The following RWDD2B variants were observed in gnomAD, a reference collection of about 807,000 sequenced individuals.
RWDD2B encodes the protein RWD domain containing 2B, also known as RWD domain-containing protein 2B.
In RWDD2B, 36 loss-of-function variants were observed where a neutral mutation model predicts 33.6. That is an observed-to-expected ratio of 1.07 (90% CI 0.82 to 1.42). RWDD2B has a LOEUF of 1.42. Ranked by LOEUF, RWDD2B falls within the 40% of genes most tolerant of loss-of-function variation. RWDD2B has a pLI of 0.00. For synonymous variants in RWDD2B, 126 were observed against 133.1 expected (o/e 0.95, Z 0.37); for missense variants, 364 against 377.5 (o/e 0.96, Z 0.30).
intron 4 of RWDD2B, 44 bp from the exon 5 acceptor site, chr21:29,006,695 C>T: frequency 8.8e-7 from 1 of 1,138,474 alleles, no homozygotes; most frequent in Non-Finnish European, 1.3e-6. Context: ...AATGTATATT[C>T]TAGAGCATTT....
At chr21:29,011,974 C>T (rs1439643711) in intron 1 of RWDD2B, among the ~76,000 whole-genome samples, 2 of 126,088 alleles carry the variant, frequency 1.6e-5, no homozygotes, top group African/African-American at 3.1e-5. Flanking sequence ...CCAGCCGCGC[C>T]GTCCGGGAGG....
chr21:29,006,674 A>T, intron 4 of RWDD2B, 23 bp from the exon 5 acceptor site: 1 of 1,396,870 alleles, frequency 7.2e-7, no homozygotes, highest in Non-Finnish European at 1.0e-6. Context: ...TTCCAAAGTA[A>T]ACATTTTCAA....
At chr21:29,016,413 C>G (rs11910748) in intron 1 of RWDD2B, among the ~76,000 whole-genome samples, 3,155 of 152,116 alleles carry the variant, frequency 0.021, 112 homozygotes, top group African/African-American at 0.072. Context: ...TACAGGCATG[C>G]GCCACCACAC....
At position 29,019,346 on chromosome 21, in the gene RWDD2B, A is replaced by G. The variant is rs1207709721; in HGVS notation, c.-69T>C. On this transcript the variant is annotated 5_prime_UTR_variant, in exon 1 of 5. Transcript: ENST00000493196. ...TACAAACCGCCTCAGCTGGCGACCTACCGGAAAAAAAAAAAAAAAGCATGC... is the reference window on the plus strand; with the variant it reads ...TACAAACCGCCTCAGCTGGCGACCTGCCGGAAAAAAAAAAAAAAAGCATGC... The G allele has an allele frequency of 8.5e-6, 9 of 1,055,786 alleles. No individual in the cohort carries two copies. The East Asian group carries it at 1.7e-4, about 19-fold the overall frequency. 65.4% of individuals were successfully genotyped at this position (1,055,786 alleles called of 1,614,324 possible).
chr21:29,018,978 C>T (rs1601025879), intron 1 of RWDD2B, among the ~76,000 whole-genome samples: 1 of 152,180 alleles, frequency 6.6e-6, no homozygotes, highest in East Asian at 1.9e-4. Context: ...AGGAAGAAAG[C>T]CCAGCACGCA....
At position 29,019,217 on chromosome 21, in the gene RWDD2B, C is replaced by G; in HGVS notation, c.61G>C (p.Ala21Pro). The G allele has an allele frequency of 6.2e-7, 1 of 1,600,202 alleles. No homozygotes were observed. The highest frequency in any genetic ancestry group is 8.5e-7 in the Non-Finnish European group (1 of 1,174,346). Residue 21 changes from alanine to proline, a missense_variant, in exon 1 of 5, where the codon GCT (alanine) becomes CCT (proline). Physicochemically the swap from Ala to Pro is conservative, Grantham distance 27 (BLOSUM62 -1). Transcript: ENST00000493196. ...NPGYSSEGATAQETYTCPKMI... is the reference protein window; with the variant it reads ...NPGYSSEGATPQETYTCPKMI... ...TAGCTGAGGCGAGACTCACCTTGAG[C>G]CGTGGCCCCCTCACTGCTGTAACCC... is the stretch of plus-strand genomic sequence containing the variant.
In RWDD2B at chr21:29,008,082, G is replaced by C. The variant is rs1176426800; in HGVS notation, c.404C>G (p.Thr135Arg). The part of the protein sequence containing the change: ...LSRSQQTQLN[T>R]DLTAFLQKHC... ...TTTTTGCAGGAATGCAGTCAGATCT[G>C]TGTTCAGCTGAGTCTGCTGGGATCT... The change falls in exon 4 of 5, where the codon ACA (threonine) becomes AGA (arginine). Residue 135 changes from threonine to arginine, a missense_variant. Physicochemically the swap from Thr to Arg is moderately conservative, Grantham distance 71. Coordinates refer to ENST00000493196, the MANE Select transcript of RWDD2B (RefSeq NM_016940.3). 2 of 1,613,886 alleles carry C rather than the reference G, an allele frequency of 1.2e-6. No individual in the cohort carries two copies. Among genetic ancestry groups the C allele is most frequent in the Non-Finnish European group, 1.7e-6 (2 of 1,179,834 alleles).
chr21:29,015,878 C>T lies in RWDD2B; in HGVS notation c.67+3333G>A, dbSNP rs191008305. On this transcript the variant is annotated intron_variant, in intron 1 of 4. Transcript: ENST00000493196. The stretch of plus-strand genomic sequence containing the variant: ...CTAGACAAAAGCAATCCTAATTAGG[C>T]GAGAGACTATATGGGCACAATTCTT... 2.1e-3 allele frequency among the ~76,000 whole-genome samples: 316 copies of T among 152,184 alleles called. 4 individuals are homozygous for T. The highest frequency in any genetic ancestry group is 0.018 in the Admixed American group (270 of 15,286).
rs1441033636 is a variant in RWDD2B, at chr21:29,006,586, G to A, written c.791C>T (p.Thr264Ile). The change falls in exon 5 of 5, where the codon ACA becomes ATA. Residue 264 changes from threonine to isoleucine, a missense_variant. Transcript: ENST00000493196. ...CCTTTGTCTTTCCGTTTCATCATTT[G>A]TACCATCAAAAGGAATGTCTTCTCG... is the stretch of plus-strand genomic sequence containing the variant. The part of the protein sequence containing the change: ...RHREDIPFDG[T>I]NDETERQRKF... The A allele has an allele frequency of 1.9e-6, 3 of 1,613,428 alleles. No homozygotes were observed. The highest frequency in any genetic ancestry group is 1.7e-5 in the Admixed American group (1 of 59,952).
At chr21:29,012,095 C>T in intron 1 of RWDD2B, among the ~76,000 whole-genome samples, 1 of 144,666 alleles carries the variant, frequency 6.9e-6, no homozygotes, top group Non-Finnish European at 1.6e-5. Context: ...GCCCGGCCAG[C>T]CGCCCCGTCC....
At chr21:29,011,345 C>T (rs2084857758) in intron 1 of RWDD2B, among the ~76,000 whole-genome samples, 1 of 147,116 alleles carries the variant, frequency 6.8e-6, no homozygotes, top group African/African-American at 2.5e-5. Context: ...CGAGGAGCGT[C>T]TCTGCCCGGC....
At chr21:29,008,192 T>C (rs753176158) in intron 3 of RWDD2B, 48 bp downstream of exon 3, 1 of 1,610,260 alleles carries the variant, frequency 6.2e-7, no homozygotes, top group Non-Finnish European at 8.5e-7. Flanking sequence ...GCTTTTATTC[T>C]CAGATTAATT....
At chr21:29,007,164 G>C (rs1041232617) in intron 4 of RWDD2B, among the ~76,000 whole-genome samples, 2 of 152,330 alleles carry the variant, frequency 1.3e-5, no homozygotes, top group Non-Finnish European at 2.9e-5. Context: ...TATACAGTTT[G>C]CAGCATCACT....
chr21:29,009,770 T>G (rs2084847669), intron 1 of RWDD2B: 1 of 152,178 alleles, frequency 6.6e-6, no homozygotes, highest in South Asian at 2.1e-4. Context: ...AAGTCACCCC[T>G]GTTAACATTA....
At chr21:29,019,190 G>A (rs1485349342) in intron 1 of RWDD2B, 21 bp downstream of exon 1, 1 of 1,581,152 alleles carries the variant, frequency 6.3e-7, no homozygotes, top group Non-Finnish European at 8.6e-7. Flanking sequence ...CACCACTGGC[G>A]CTAGCTGAGG....
chr21:29,015,528 CTTT>C (rs1207154307), intron 1 of RWDD2B, among the ~76,000 whole-genome samples: 2 of 114,696 alleles, frequency 1.7e-5, no homozygotes. Context: ...CACACCTAGT[CTTT>C]TTTTTTTTTT....
chr21:29,013,474 G>A (rs1264870606), intron 1 of RWDD2B, among the ~76,000 whole-genome samples: 22 of 152,004 alleles, frequency 1.4e-4, no homozygotes. Context: ...CGGATCATGA[G>A]GTCAGGAGAT....
chr21:29,012,678 T>G (rs1457576128), intron 1 of RWDD2B, among the ~76,000 whole-genome samples: 1 of 152,092 alleles, frequency 6.6e-6, no homozygotes. Context: ...CAGAGACCTT[T>G]GTTCACTTGT....
Position 29,008,298 on chromosome 21 carries a change from A to G in RWDD2B, c.304T>C (p.Ser102Pro). The change falls in exon 3 of 5, where the codon TCT becomes CCT. Residue 102 changes from serine (S) to proline (P), a missense_variant. Ser to Pro is a moderately conservative substitution (Grantham distance 74, BLOSUM62 -1). Transcript: ENST00000493196. ...TTAAAGGGAAGAATACAGGCCAGAG[A>G]AAACATCGCCTGATTAAAGAGAAGA... Reference protein sequence around the residue: ...DVSDEKMAMFSLACILPFKYP... With the variant: ...DVSDEKMAMFPLACILPFKYP... The G allele has an allele frequency of 1.2e-6, 2 of 1,614,180 alleles. No individual in the cohort carries two copies. The highest frequency in any genetic ancestry group is 2.2e-5 in the South Asian group (2 of 91,086).
Sources: gnomAD v4.1 joint callset for allele counts (sites outside exome capture counted in the v4.1 genomes callset) on GRCh38, gnomAD v4.1.1 for gene constraint, MANE v1.5 for transcripts, NCBI Gene and HGNC (gene_info 2026-07-23, HGNC 2026-07-21) for gene names.